The following SLCO3A1 variants were observed in gnomAD, a reference collection of about 807,000 sequenced individuals.
The protein encoded by SLCO3A1 is solute carrier organic anion transporter family member 3A1.
In SLCO3A1, 27 loss-of-function variants were observed where a neutral mutation model predicts 63.1. The ratio of observed to expected loss-of-function variants is 0.43; its 90% CI spans 0.32 to 0.59. The LOEUF is 0.59. Ranked by LOEUF, SLCO3A1 falls within the 20% of genes least tolerant of loss-of-function variation. The pLI is 0.09. For synonymous variants in SLCO3A1, 473 were observed against 409.9 expected (o/e 1.15, Z -1.86); for missense variants, 773 against 945.8 (o/e 0.82, Z 2.40).
chr15:91,890,100 T>C (rs1897833912), intron 1 of SLCO3A1, among the ~76,000 whole-genome samples: 1 of 152,264 alleles, frequency 6.6e-6, no homozygotes, highest in Non-Finnish European at 1.5e-5. Flanking sequence ...ATGTGGAATA[T>C]AGTAGGACTG....
At chr15:91,924,091 C>T (rs1597124762) in intron 2 of SLCO3A1, among the ~76,000 whole-genome samples, 2 of 152,334 alleles carry the variant, frequency 1.3e-5, no homozygotes, top group Non-Finnish European at 2.9e-5. Context: ...GTCATGCAGA[C>T]GGGCTTTGGG....
Position 92,165,488 on chromosome 15 carries a change from A to G in SLCO3A1, c.*2353A>G. The stretch of plus-strand genomic sequence containing the variant: ...GCCCTTTGACCTAGTGTTTTATGGA[A>G]CTATTTGCTTTGAGAGAAAAAAAAA... On this transcript the variant is annotated 3_prime_UTR_variant, in exon 10 of 10. Transcript: ENST00000318445. 2.0e-6 allele frequency: 2 copies of G among 983,628 alleles called. No homozygotes were observed. The highest frequency in any genetic ancestry group is 2.4e-6 in the Non-Finnish European group (2 of 828,736). The allele number at this position is 983,628 out of a possible 1,614,324, so 60.9% of individuals were successfully genotyped here. A position where few individuals can be genotyped will look rare whatever the true frequency, so the allele number is the denominator to read the frequency against.
intron 1 of SLCO3A1, among the ~76,000 whole-genome samples, chr15:91,905,407 A>G (rs574810868): frequency 3.3e-4 from 50 of 152,338 alleles, no homozygotes; most frequent in African/African-American, 1.2e-3. Flanking sequence ...AACTTATGCA[A>G]TCCTCTCATA....
intron 2 of SLCO3A1, among the ~76,000 whole-genome samples, chr15:92,089,752 TC>T (rs1219260387): frequency 1.3e-5 from 2 of 152,164 alleles, no homozygotes; most frequent in Non-Finnish European, 2.9e-5. Flanking sequence ...CACCAGGAAG[TC>T]TTGCTGGAGG....
chr15:92,061,765 C>T (rs1038249411), intron 2 of SLCO3A1, among the ~76,000 whole-genome samples: 2 of 152,158 alleles, frequency 1.3e-5, no homozygotes, highest in East Asian at 1.9e-4. Context: ...AGGAGCCTGC[C>T]GGGTTGTCCT....
chr15:91,932,108 T>A (rs1310751676), intron 2 of SLCO3A1, among the ~76,000 whole-genome samples: 4 of 152,100 alleles, frequency 2.6e-5, no homozygotes, highest in Non-Finnish European at 5.9e-5. Context: ...GTTCACTTCA[T>A]CTTCATAATG....
rs779641054 is a variant in SLCO3A1, at chr15:92,094,898, C to A, written c.664C>A (p.Leu222Met). The change falls in exon 3 of 10, where the codon CTG becomes ATG. Residue 222 changes from leucine to methionine, a missense_variant. By Grantham distance (15) the Leu-to-Met change is conservative. Transcript: ENST00000318445. ...SLYIGILFTM[L>M]VFGPACGFIL... ...TCCTTCAGGAATCCTGTTCACGATGCTGGTATTTGGACCAGCCTGCGGGTT... is the reference window on the plus strand; with the variant it reads ...TCCTTCAGGAATCCTGTTCACGATGATGGTATTTGGACCAGCCTGCGGGTT... The A allele has an allele frequency of 6.2e-7, 1 of 1,613,194 alleles. No individual in the cohort carries two copies. Among genetic ancestry groups the A allele is most frequent in the Admixed American group, 1.7e-5 (1 of 60,006 alleles).
rs1899874111 is a variant in SLCO3A1, at chr15:91,948,146, G to A, written c.646+31688G>A. 6.6e-6 allele frequency among the ~76,000 whole-genome samples: 1 copy of A among 152,188 alleles called. No homozygotes were observed. Among genetic ancestry groups the A allele is most frequent in the South Asian group, 2.1e-4 (1 of 4,836 alleles). On this transcript the variant is annotated intron_variant, in intron 2 of 9. Transcript: ENST00000318445. The surrounding 1 kb of genome is among the most constrained non-coding windows in gnomAD (Gnocchi z 4.8). ...AATAAAAGTCTGAGCCAGAAAGTGG[G>A]TGGAAGCCCTGGCCCTTTGTTACCT...
At chr15:92,171,851 G>T (rs138208260) in exon 11 of SLCO3A1, 1 of 1,551,300 alleles carries the variant, frequency 6.4e-7, no homozygotes, top group Non-Finnish European at 8.7e-7. Flanking sequence ...AGACTCCTTT[G>T]TGAGAAGCTG....
chr15:92,047,888 C>G (rs955759682), intron 2 of SLCO3A1, among the ~76,000 whole-genome samples: 1 of 151,544 alleles, frequency 6.6e-6, no homozygotes, highest in Non-Finnish European at 1.5e-5. Flanking sequence ...CCATCTTTCT[C>G]AAGCCAGGCA....
At chr15:91,933,002 G>C (rs1201974856) in intron 2 of SLCO3A1, among the ~76,000 whole-genome samples, 3 of 152,104 alleles carry the variant, frequency 2.0e-5, no homozygotes, top group Non-Finnish European at 4.4e-5. Flanking sequence ...TCTACTAAGA[G>C]AATCTTCCCC....
At chr15:91,993,589 C>T (rs182039664) in intron 2 of SLCO3A1, among the ~76,000 whole-genome samples, 145 of 152,290 alleles carry the variant, frequency 9.5e-4, no homozygotes, top group Middle Eastern at 3.4e-3. Context: ...ATTCCAGACA[C>T]TTAGAATGCA....
At chr15:91,996,480 G>T (rs1868442930) in intron 2 of SLCO3A1, among the ~76,000 whole-genome samples, 1 of 151,956 alleles carries the variant, frequency 6.6e-6, no homozygotes, top group Non-Finnish European at 1.5e-5. Context: ...CATGGGGGTT[G>T]GGGACTATAT....
At chr15:91,947,590 A>G (rs949078698) in intron 2 of SLCO3A1, among the ~76,000 whole-genome samples, 5 of 152,230 alleles carry the variant, frequency 3.3e-5, no homozygotes, top group Non-Finnish European at 7.3e-5. Flanking sequence ...GACTATAGAT[A>G]GGGCCGACAG....
chr15:91,946,621 G>C (rs1487242164), intron 2 of SLCO3A1, among the ~76,000 whole-genome samples: 1 of 152,218 alleles, frequency 6.6e-6, no homozygotes, highest in Non-Finnish European at 1.5e-5. Flanking sequence ...TGAAAAAATA[G>C]GACTTCGTAG....
rs1897099328 is a variant in SLCO3A1 at position 91,863,665 on chromosome 15, A to C, written c.180+9577A>C. 6.6e-6 allele frequency among the ~76,000 whole-genome samples: 1 copy of C among 152,300 alleles called. No individual in the cohort carries two copies. Among genetic ancestry groups the C allele is most frequent in the South Asian group, 2.1e-4 (1 of 4,830 alleles). On this transcript the variant is annotated intron_variant, in intron 1 of 9. Transcript: ENST00000318445. This position sits in a 1 kb window ranked among gnomAD's most constrained non-coding sequence, Gnocchi z 4.3. Reference sequence around the variant, plus strand: ...TCCTCCTGAAATGTAGGAAAGGAGCATATTTTTTTGGCCGGAGTGATGATT... The same window carrying C: ...TCCTCCTGAAATGTAGGAAAGGAGCCTATTTTTTTGGCCGGAGTGATGATT...
At chr15:91,869,921 G>A (rs1430420245) in intron 1 of SLCO3A1, among the ~76,000 whole-genome samples, 1 of 152,140 alleles carries the variant, frequency 6.6e-6, no homozygotes, top group Non-Finnish European at 1.5e-5. Flanking sequence ...ACCTGCTCAG[G>A]TAAGCTTACC....
chr15:91,861,360 A>G (rs992016833), intron 1 of SLCO3A1, among the ~76,000 whole-genome samples: 1 of 152,272 alleles, frequency 6.6e-6, no homozygotes, highest in Middle Eastern at 3.4e-3. Context: ...GTGACTCCCA[A>G]CTTCTTTATT....
At chr15:91,877,504 G>T (rs927153771) in intron 1 of SLCO3A1, among the ~76,000 whole-genome samples, 5 of 152,188 alleles carry the variant, frequency 3.3e-5, no homozygotes, top group Non-Finnish European at 5.9e-5. Context: ...TCACTGCAAG[G>T]TTTGATATTC....
Sources: gnomAD v4.1 joint callset for allele counts (sites outside exome capture counted in the v4.1 genomes callset) on GRCh38, gnomAD v4.1.1 for gene constraint, Gnocchi (gnomAD v3.1) non-coding constraint, MANE v1.5 for transcripts, NCBI Gene and HGNC (gene_info 2026-07-23, HGNC 2026-07-21) for gene names.